The following YTHDC1 variants were observed in gnomAD, a reference collection of about 807,000 sequenced individuals.
YTHDC1 encodes YTH N6-methyladenosine RNA binding protein C1.
In YTHDC1, 12 loss-of-function variants were observed where a neutral mutation model predicts 107.0. The ratio of observed to expected loss-of-function variants is 0.11; its 90% confidence interval spans 0.07 to 0.18. YTHDC1 has a LOEUF of 0.18. Among genes scored for constraint, YTHDC1 ranks in the 10% least tolerant of loss-of-function variants. The pLI is 1.00. For synonymous variants in YTHDC1, 280 were observed against 289.5 expected (o/e 0.97, Z 0.33); for missense variants, 635 against 898.8 (o/e 0.71, Z 3.75).
chr4:68,335,625 A>G (rs894825268), intron 4 of YTHDC1, among the ~76,000 whole-genome samples: 4 of 152,130 alleles, frequency 2.6e-5, no homozygotes, highest in African/African-American at 9.7e-5. Context: ...TAACAGAGAT[A>G]CCAAAAAGAA....
Position 68,311,037 on chromosome 4 carries a change from C to CT in YTHDC1, c.*3061dup, listed in dbSNP as rs1721268227. ...TTCCTCTGTCCATGTCTTTTGGAGA[C>CT]TGTCCTTCCTGATGTAATCCTCACA... On this transcript the variant is annotated 3_prime_UTR_variant, in exon 17 of 17. Coordinates refer to ENST00000344157, the MANE Select transcript of YTHDC1 (RefSeq NM_001031732.4). 6.6e-6 allele frequency: 1 copy of CT among 152,166 alleles called. No individual in the cohort carries two copies. The highest frequency in any genetic ancestry group is 1.5e-5 in the Non-Finnish European group (1 of 68,036). 9.4% of individuals were successfully genotyped at this position (152,166 alleles called of 1,614,324 possible).
chr4:68,340,266 C>A (rs1724666118), intron 1 of YTHDC1, among the ~76,000 whole-genome samples: 1 of 151,976 alleles, frequency 6.6e-6, no homozygotes, highest in African/African-American at 2.4e-5. Context: ...ATATCATTTT[C>A]CTTTACATTT....
intron 4 of YTHDC1, 42 bp downstream of exon 4, chr4:68,336,985 A>G: frequency 6.5e-7 from 1 of 1,533,288 alleles, no homozygotes; most frequent in South Asian, 1.3e-5. Flanking sequence ...GAAACCTATC[A>G]AGCTTTTTTT....
intron 16 of YTHDC1, 157 bp downstream of exon 16, chr4:68,316,157 T>A (rs906583364): frequency 1.2e-5 from 10 of 820,334 alleles, no homozygotes; most frequent in African/African-American, 1.2e-4. Context: ...AGGGGCATAA[T>A]CAGGCATTTT....
intron 2 of YTHDC1, 71 bp downstream of exon 2, chr4:68,338,212 T>C (rs1313679642): frequency 1.4e-6 from 2 of 1,395,044 alleles, no homozygotes; most frequent in East Asian, 4.9e-5. Context: ...AGCACAGTCA[T>C]TTTTTTTAAG....
intron 2 of YTHDC1, 188 bp from the exon 3 acceptor site, chr4:68,338,088 C>T: frequency 1.1e-6 from 1 of 944,916 alleles, no homozygotes; most frequent in Non-Finnish European, 1.3e-6. Context: ...GGGAATAAAA[C>T]CATATATTTG....
At chr4:68,317,825 G>A (rs1366996720) in intron 15 of YTHDC1, among the ~76,000 whole-genome samples, 1 of 152,182 alleles carries the variant, frequency 6.6e-6, no homozygotes, top group Admixed American at 6.5e-5. Context: ...GCCTTGCACA[G>A]AGTAAGTACT....
At chr4:68,327,823 A>G (rs1459701514) in intron 9 of YTHDC1, among the ~76,000 whole-genome samples, 1 of 152,196 alleles carries the variant, frequency 6.6e-6, no homozygotes, top group Non-Finnish European at 1.5e-5. Flanking sequence ...TCAATGTTAG[A>G]AATATCACAA....
At chr4:68,347,800 T>C (rs1477247000) in intron 1 of YTHDC1, among the ~76,000 whole-genome samples, 2 of 152,136 alleles carry the variant, frequency 1.3e-5, no homozygotes, top group African/African-American at 4.8e-5. Context: ...ATTCTAACTA[T>C]AAAGCTAAGT....
chr4:68,347,233 A>T (rs1485603866), intron 1 of YTHDC1, among the ~76,000 whole-genome samples: 2 of 152,262 alleles, frequency 1.3e-5, no homozygotes, highest in African/African-American at 4.8e-5. Context: ...TGGATAGATT[A>T]AACTTTTGTA....
chr4:68,331,629 T>A (rs1431534873), intron 7 of YTHDC1, among the ~76,000 whole-genome samples: 1 of 152,124 alleles, frequency 6.6e-6, no homozygotes, highest in Non-Finnish European at 1.5e-5. Context: ...CTGGAGTGGA[T>A]CTTTAAGCTA....
At chr4:68,329,425 AAATT>A (rs1230014084) in intron 9 of YTHDC1, among the ~76,000 whole-genome samples, 1 of 152,192 alleles carries the variant, frequency 6.6e-6, no homozygotes, top group Middle Eastern at 3.2e-3. Flanking sequence ...TTTTTAACTA[AAATT>A]AATTTTACAG....
rs115125948 is a variant in YTHDC1 at position 68,331,360 on chromosome 4, T to C, written c.1122+743A>G. Among the ~76,000 whole-genome samples the C allele has an allele frequency of 1.7e-3, 264 of 152,238 alleles. 2 individuals carry two copies. The highest frequency in any genetic ancestry group is 0.014 in the Middle Eastern group (4 of 294). On this transcript the variant is annotated intron_variant, in intron 7 of 16. Coordinates refer to ENST00000344157, the MANE Select transcript of YTHDC1 (RefSeq NM_001031732.4). ...TAAGGCTATTTGGTGTACTGTTTCC[T>C]TCTGTTTGTAAAGTTTTAGGGGTAG...
chr4:68,316,829 CCTG>C (rs1292029203), intron 15 of YTHDC1, among the ~76,000 whole-genome samples: 1 of 152,176 alleles, frequency 6.6e-6, no homozygotes, highest in Non-Finnish European at 1.5e-5. Context: ...AGTTAAGTAA[CCTG>C]CTTATAGTCA....
chr4:68,343,432 C>T (rs956688591), intron 1 of YTHDC1, among the ~76,000 whole-genome samples: 1 of 151,214 alleles, frequency 6.6e-6, no homozygotes, highest in Non-Finnish European at 1.5e-5. Context: ...GAACTCCTGA[C>T]CTCAGGTGAT....
At chr4:68,333,578 C>T (rs945749507) in intron 4 of YTHDC1, among the ~76,000 whole-genome samples, 181 bp from the exon 5 acceptor site, 10 of 152,034 alleles carry the variant, frequency 6.6e-5, no homozygotes, top group Non-Finnish European at 8.8e-5. Context: ...TTAAAAAGTA[C>T]GGGCATCTTG....
chr4:68,340,337 C>T (rs1724674858), intron 1 of YTHDC1, among the ~76,000 whole-genome samples: 1 of 152,022 alleles, frequency 6.6e-6, no homozygotes, highest in Non-Finnish European at 1.5e-5. Context: ...CAAAATTGAT[C>T]ATTTTGGGTG....
chr4:68,337,918 A>G lies in YTHDC1; in HGVS notation c.131-18T>C. ...TTTTGATCCTTTAAAATACAATGTA[A>G]AAAAAAAAAAAAGAAGTATTTGTAG... On this transcript the variant is annotated intron_variant, in intron 2 of 16. Coordinates refer to ENST00000344157, the MANE Select transcript of YTHDC1 (RefSeq NM_001031732.4). The G allele has an allele frequency of 2.0e-6, 2 of 991,764 alleles. No homozygotes were observed. Among genetic ancestry groups the G allele is most frequent in the Non-Finnish European group, 2.7e-6 (2 of 728,590 alleles). 61.4% of individuals were successfully genotyped at this position (991,764 alleles called of 1,614,324 possible). A position where few individuals can be genotyped will look rare whatever the true frequency, so the allele number is the denominator to read the frequency against.
chr4:68,314,078 A>G lies in YTHDC1; in HGVS notation c.*21T>C, dbSNP rs751765385. ...ACAAGATTTTTTGTATCTTTAAACA[A>G]TCAGTGCTTCCAAAAGCCCATTATC... On this transcript the variant is annotated 3_prime_UTR_variant, in exon 17 of 17. Transcript: ENST00000344157. 4.4e-5 allele frequency: 71 copies of G among 1,607,660 alleles called. No individual in the cohort carries two copies. Among genetic ancestry groups the G allele is most frequent in the Non-Finnish European group, 5.2e-5 (61 of 1,176,618 alleles).
Sources: gnomAD v4.1 joint callset for allele counts (sites outside exome capture counted in the v4.1 genomes callset) on GRCh38, gnomAD v4.1.1 for gene constraint, MANE v1.5 for transcripts, NCBI Gene and HGNC (gene_info 2026-07-23, HGNC 2026-07-21) for gene names.